SH3BGRL2: variants seen among roughly 807,000 people sequenced by gnomAD.
The protein encoded by SH3BGRL2 is SH3 domain-binding glutamic acid-rich-like protein 2.
In SH3BGRL2, 21 loss-of-function variants were observed where a neutral mutation model predicts 14.8. The ratio of observed to expected loss-of-function variants is 1.42; its 90% CI spans 1.01 to 2.05. The LOEUF is 2.05. Ranked by LOEUF, SH3BGRL2 falls within the 30% of genes most tolerant of loss-of-function variation. SH3BGRL2 has a pLI of 0.00. For synonymous variants in SH3BGRL2, 50 were observed against 47.8 expected (o/e 1.05, Z -0.19); for missense variants, 147 against 130.8 (o/e 1.12, Z -0.61).
intron 1 of SH3BGRL2, among the ~76,000 whole-genome samples, chr6:79,635,505 G>A (rs1363150666): frequency 1.3e-5 from 2 of 152,232 alleles, no homozygotes; most frequent in Admixed American, 1.3e-4. Flanking sequence ...GGTGCTAGGT[G>A]TATATGATGG....
At chr6:79,690,141 G>T (rs1431324254) in intron 2 of SH3BGRL2, among the ~76,000 whole-genome samples, 2 of 151,926 alleles carry the variant, frequency 1.3e-5, no homozygotes, top group African/African-American at 4.8e-5. Flanking sequence ...GCAGGCACAT[G>T]CTGCCATCCC....
At chr6:79,618,331 T>C in the SH3BGRL2 span, among the ~76,000 whole-genome samples, 2 of 152,212 alleles carry the variant, frequency 1.3e-5, no homozygotes, top group African/African-American at 4.8e-5. Flanking sequence ...GATCTTGGTG[T>C]TCAAATTGAC....
the SH3BGRL2 span, among the ~76,000 whole-genome samples, chr6:79,544,878 T>A: frequency 6.6e-6 from 1 of 152,202 alleles, no homozygotes; most frequent in African/African-American, 2.4e-5. Context: ...CAAGTAAATG[T>A]CTAAAACATT....
upstream of SH3BGRL2, among the ~76,000 whole-genome samples, chr6:79,630,944 C>G (rs2127721099): frequency 6.6e-6 from 1 of 152,298 alleles, no homozygotes; most frequent in Non-Finnish European, 1.5e-5. Context: ...GGCCCTGAGA[C>G]GATGTGTGCC....
the SH3BGRL2 span, among the ~76,000 whole-genome samples, chr6:79,551,853 G>A: frequency 2.0e-5 from 3 of 152,166 alleles, no homozygotes; most frequent in African/African-American, 7.2e-5. Context: ...ACTTTGGGAG[G>A]CCAAGGTGGG....
intron 1 of SH3BGRL2, among the ~76,000 whole-genome samples, chr6:79,644,067 G>A (rs1769081748): frequency 6.6e-6 from 1 of 152,132 alleles, no homozygotes; most frequent in African/African-American, 2.4e-5. Flanking sequence ...AATATATTGG[G>A]GCCTTTTGGG....
At chr6:79,622,489 G>C in the SH3BGRL2 span, among the ~76,000 whole-genome samples, 11 of 152,136 alleles carry the variant, frequency 7.2e-5, no homozygotes, top group Non-Finnish European at 1.6e-4. Context: ...TCCTTTCAAA[G>C]GCCCAAGATT....
chr6:79,666,573 C>T (rs1303853931), intron 1 of SH3BGRL2, among the ~76,000 whole-genome samples: 1 of 152,164 alleles, frequency 6.6e-6, no homozygotes, highest in Admixed American at 6.5e-5. Context: ...CCTACTCAAT[C>T]ACTGGAAAGT....
At chr6:79,676,642 TA>T (rs1229697663) in intron 2 of SH3BGRL2, among the ~76,000 whole-genome samples, 3 of 68,530 alleles carry the variant, frequency 4.4e-5, no homozygotes, top group Non-Finnish European at 1.1e-4. Context: ...TGTGTGTGTA[TA>T]TATATATAAT....
intron 1 of SH3BGRL2, among the ~76,000 whole-genome samples, chr6:79,672,781 T>G (rs1445752671): frequency 6.6e-6 from 1 of 152,138 alleles, no homozygotes; most frequent in Non-Finnish European, 1.5e-5. Context: ...TTTTGAAAAC[T>G]TTGCAGAGAT....
the SH3BGRL2 span, among the ~76,000 whole-genome samples, chr6:79,601,385 AG>A: frequency 1.3e-5 from 2 of 152,140 alleles, no homozygotes; most frequent in Non-Finnish European, 2.9e-5. Context: ...TTGTAGAGAC[AG>A]GGTTTCACCA....
chr6:79,631,445 C>A lies in SH3BGRL2; in HGVS notation c.-17C>A, dbSNP rs754089487. 3 of 1,518,494 alleles carry A rather than the reference C, an allele frequency of 2.0e-6. No individual in the cohort carries two copies. The East Asian group carries it at 8.1e-5, about 41-fold the overall frequency. The allele number at this position is 1,518,494 out of a possible 1,614,324, so 94.1% of individuals were successfully genotyped here. On this transcript the variant is annotated 5_prime_UTR_variant, in exon 1 of 4. Coordinates refer to ENST00000369838, the MANE Select transcript of SH3BGRL2 (RefSeq NM_031469.4). ...GAGCCCGGGGGGCAAGGGGTCTGTC[C>A]CGGGCGCAGCGAGAGGATGGTCATC...
chr6:79,697,143 C>G (rs1333487856), intron 3 of SH3BGRL2, among the ~76,000 whole-genome samples: 1 of 151,628 alleles, frequency 6.6e-6, no homozygotes. Context: ...GATTCACTTT[C>G]AAAAAAGAAA....
chr6:79,539,493 A>G, the SH3BGRL2 span, among the ~76,000 whole-genome samples: 2 of 152,346 alleles, frequency 1.3e-5, no homozygotes, highest in East Asian at 3.9e-4. Flanking sequence ...ATGGTCATTA[A>G]GCACTTTGGA....
At position 79,650,015 on chromosome 6, in the gene SH3BGRL2, AC is replaced by A. The variant is rs1368244400; in HGVS notation, c.45+18510del. ...CACACACACACACACACACACACAC[AC>A]AGTTACCCTAATTCTCCTTTGTTAA... On this transcript the variant is annotated intron_variant, in intron 1 of 3. Coordinates refer to ENST00000369838, the MANE Select transcript of SH3BGRL2 (RefSeq NM_031469.4). 8.0e-3 allele frequency among the ~76,000 whole-genome samples: 1,218 copies of A among 151,676 alleles called. 18 individuals are homozygous for A. The highest frequency in any genetic ancestry group is 0.028 in the African/African-American group (1,161 of 41,292).
At chr6:79,554,806 A>C in the SH3BGRL2 span, among the ~76,000 whole-genome samples, 11 of 152,174 alleles carry the variant, frequency 7.2e-5, no homozygotes, top group Admixed American at 2.6e-4. Flanking sequence ...TATAATGATT[A>C]CTTCCTCAGT....
At chr6:79,645,338 A>T (rs146899795) in intron 1 of SH3BGRL2, among the ~76,000 whole-genome samples, 2 of 151,864 alleles carry the variant, frequency 1.3e-5, no homozygotes, top group African/African-American at 4.9e-5. Flanking sequence ...AAATACTGGG[A>T]GTTACCTTTC....
At chr6:79,647,635 T>TA (rs1769170392) in intron 1 of SH3BGRL2, among the ~76,000 whole-genome samples, 1 of 152,128 alleles carries the variant, frequency 6.6e-6, no homozygotes, top group African/African-American at 2.4e-5. Context: ...ACTCATCCTA[T>TA]AGGTAAGTCA....
At chr6:79,673,938 G>GTGA in intron 2 of SH3BGRL2, 139 bp downstream of exon 2, 1 of 869,462 alleles carries the variant, frequency 1.2e-6, no homozygotes. Context: ...CTAACAGAGG[G>GTGA]TGAAGTTGAG....
Sources: allele counts gnomAD v4.1 joint callset (sites outside exome capture counted in the v4.1 genomes callset), GRCh38; gene constraint gnomAD v4.1.1; transcripts MANE v1.5; gene names NCBI Gene and HGNC (gene_info 2026-07-23, HGNC 2026-07-21).